The following GTF2E1 variants were observed in gnomAD, a reference collection of about 807,000 sequenced individuals.
GTF2E1 encodes the protein TFIIE alpha subunit.
In GTF2E1, 14 loss-of-function variants were observed where a neutral mutation model predicts 34.9. The observed-to-expected ratio is 0.40, with a 90% CI of 0.27 to 0.63. GTF2E1 has a LOEUF of 0.63. GTF2E1 is among the 20% of genes least tolerant of loss of function. GTF2E1 has a pLI of 0.39. For missense variants in GTF2E1, 469 were observed against 557.7 expected (o/e 0.84, Z 1.60); for synonymous variants, 188 against 192.9 (o/e 0.97, Z 0.21).
At chr3:120,756,112 T>C (rs1165853545) in intron 2 of GTF2E1, among the ~76,000 whole-genome samples, 4 of 152,182 alleles carry the variant, frequency 2.6e-5, no homozygotes, top group African/African-American at 7.2e-5. Flanking sequence ...TTCCTTTCTT[T>C]TGGGTATATA....
chr3:120,775,835 A>C (rs1235216647), intron 3 of GTF2E1, among the ~76,000 whole-genome samples: 3 of 152,214 alleles, frequency 2.0e-5, no homozygotes, highest in Non-Finnish European at 4.4e-5. Flanking sequence ...CTACATAGAA[A>C]AGCAGCTAGT....
At chr3:120,768,117 ATAAAT>A (rs879532286) in intron 2 of GTF2E1, among the ~76,000 whole-genome samples, 1 of 152,194 alleles carries the variant, frequency 6.6e-6, no homozygotes, top group Non-Finnish European at 1.5e-5. Context: ...CTTTTTAATG[ATAAAT>A]TAGATAAATA....
intron 1 of GTF2E1, among the ~76,000 whole-genome samples, chr3:120,750,200 T>C (rs774151991): frequency 3.3e-5 from 5 of 152,222 alleles, no homozygotes; most frequent in Non-Finnish European, 5.9e-5. Flanking sequence ...TCCCAAAGAA[T>C]AGTGAGCATT....
At chr3:120,780,269 G>A (rs895104019) in intron 4 of GTF2E1, among the ~76,000 whole-genome samples, 1 of 152,186 alleles carries the variant, frequency 6.6e-6, no homozygotes, top group Non-Finnish European at 1.5e-5. Context: ...GACAATAGAT[G>A]TAAGTTATTC....
chr3:120,776,474 C>T lies in GTF2E1; in HGVS notation c.702C>T (p.His234=). 1 of 1,613,752 alleles carries T rather than the reference C, an allele frequency of 6.2e-7. No individual in the cohort carries two copies. The change falls in exon 4 of 5, where the codon CAC becomes CAT. Residue 234 remains histidine, a synonymous_variant. Coordinates refer to ENST00000283875, the MANE Select transcript of GTF2E1 (RefSeq NM_005513.3). Reference sequence around the variant, plus strand: ...GAGCTGCTAGCCTAGCAGGTGGGCACCACCGGGAAGCATGGGCCACCAAAG... The same window carrying T: ...GAGCTGCTAGCCTAGCAGGTGGGCATCACCGGGAAGCATGGGCCACCAAAG... ...TAGAASLAGG[H]HREAWATKGP...
Position 120,776,299 on chromosome 3 carries a change from T to C in GTF2E1, c.651-124T>C, listed in dbSNP as rs955827684. On this transcript the variant is annotated intron_variant, in intron 3 of 4. Coordinates refer to ENST00000283875, the MANE Select transcript of GTF2E1 (RefSeq NM_005513.3). Reference sequence around the variant, plus strand: ...TTTCTTGGAATTGTTAAAGCATGTGTGCATGATTGCTAGGTAGCATTTACA... The same window carrying C: ...TTTCTTGGAATTGTTAAAGCATGTGCGCATGATTGCTAGGTAGCATTTACA... The C allele has an allele frequency of 8.7e-5, 71 of 816,860 alleles. No individual in the cohort carries two copies. The Middle Eastern group carries it at 2.5e-3, about 29-fold the overall frequency. 50.6% of individuals were successfully genotyped at this position (816,860 alleles called of 1,614,324 possible).
chr3:120,773,873 A>G (rs1034149770), intron 3 of GTF2E1, among the ~76,000 whole-genome samples: 1 of 152,214 alleles, frequency 6.6e-6, no homozygotes, highest in African/African-American at 2.4e-5. Context: ...TTGAATTTCT[A>G]TGACAGAATA....
At position 120,750,900 on chromosome 3, in the gene GTF2E1, C is replaced by G. The variant is rs371604368; in HGVS notation, c.348C>G (p.Thr116=). The G allele has an allele frequency of 3.7e-6, 6 of 1,613,690 alleles. No individual in the cohort carries two copies. The highest frequency in any genetic ancestry group is 5.1e-6 in the Non-Finnish European group (6 of 1,179,706). ...KLDHMRRRIE[T]DERDSTNRAS... ...ACCACATGAGAAGAAGAATTGAGAC[C>G]GATGAGAGAGATTCGACCAACCGGG... is the stretch of plus-strand genomic sequence containing the variant. Residue 116 remains threonine, a synonymous_variant, in exon 2 of 5, where the codon ACC becomes ACG. Transcript: ENST00000283875.
chr3:120,744,173 A>C (rs112615183), intron 1 of GTF2E1, among the ~76,000 whole-genome samples: 10 of 152,186 alleles, frequency 6.6e-5, no homozygotes, highest in African/African-American at 2.4e-4. Context: ...ATTTATGTGA[A>C]CTCTTACAAT....
chr3:120,754,995 A>G (rs892791688), intron 2 of GTF2E1, among the ~76,000 whole-genome samples: 108 of 152,104 alleles, frequency 7.1e-4, no homozygotes, highest in African/African-American at 2.5e-3. Context: ...TTTTAGATTT[A>G]CTATTAAGGG....
intron 3 of GTF2E1, among the ~76,000 whole-genome samples, chr3:120,771,419 G>A (rs1709350969): frequency 6.6e-6 from 1 of 152,074 alleles, no homozygotes; most frequent in Non-Finnish European, 1.5e-5. Flanking sequence ...TCCTAACAGT[G>A]GCTCCCTATT....
Position 120,781,435 on chromosome 3 carries a change from A to G in GTF2E1, c.1285A>G (p.Met429Val), listed in dbSNP as rs1257483172. 1.2e-6 allele frequency: 2 copies of G among 1,614,052 alleles called. No individual in the cohort carries two copies. The highest frequency in any genetic ancestry group is 1.1e-5 in the South Asian group (1 of 91,082). The part of the protein sequence containing the change: ...TPEEKEAYIA[M>V]GQRMFEDLFE ...AGAAGAAAAGGAAGCATATATAGCA[A>G]TGGGACAACGCATGTTTGAGGACCT... The change falls in exon 5 of 5, where the codon ATG (methionine) becomes GTG (valine). Residue 429 changes from methionine (M) to valine (V), a missense_variant. Coordinates refer to ENST00000283875, the MANE Select transcript of GTF2E1 (RefSeq NM_005513.3).
chr3:120,753,592 T>TCC (rs1438637549), intron 2 of GTF2E1, among the ~76,000 whole-genome samples: 1 of 152,156 alleles, frequency 6.6e-6, no homozygotes, highest in Non-Finnish European at 1.5e-5. Flanking sequence ...GGTGCTTAAC[T>TCC]CAAGTGTATG....
chr3:120,755,743 A>T (rs1220512800), intron 2 of GTF2E1, among the ~76,000 whole-genome samples: 1 of 152,042 alleles, frequency 6.6e-6, no homozygotes, highest in Non-Finnish European at 1.5e-5. Context: ...TTTTTTTACC[A>T]GTTAGCCATC....
At chr3:120,761,472 G>A (rs1435013614) in intron 2 of GTF2E1, among the ~76,000 whole-genome samples, 2 of 152,078 alleles carry the variant, frequency 1.3e-5, no homozygotes, top group Non-Finnish European at 2.9e-5. Flanking sequence ...GCTTTTGAAT[G>A]TGTTTGCTCT....
chr3:120,747,112 T>C (rs577331955), intron 1 of GTF2E1, among the ~76,000 whole-genome samples: 1 of 150,372 alleles, frequency 6.7e-6, no homozygotes, highest in East Asian at 1.9e-4. Flanking sequence ...TTTTGTTTTG[T>C]TTTTTTTTGA....
chr3:120,758,433 T>A (rs1422015543), intron 2 of GTF2E1, among the ~76,000 whole-genome samples: 1 of 152,210 alleles, frequency 6.6e-6, no homozygotes, highest in Non-Finnish European at 1.5e-5. Flanking sequence ...TTTATTTTTT[T>A]ATTATACTTT....
At chr3:120,757,543 A>G (rs1709219400) in intron 2 of GTF2E1, among the ~76,000 whole-genome samples, 1 of 152,170 alleles carries the variant, frequency 6.6e-6, no homozygotes, top group Admixed American at 6.5e-5. Context: ...ATGTAAAACT[A>G]TGTTCCTGTC....
intron 2 of GTF2E1, among the ~76,000 whole-genome samples, chr3:120,755,521 G>A (rs1709200813): frequency 6.6e-6 from 1 of 152,086 alleles, no homozygotes; most frequent in Admixed American, 6.5e-5. Context: ...AGGTGTATAT[G>A]TTTATGGGGT....
Sources: allele counts gnomAD v4.1 joint callset (sites outside exome capture counted in the v4.1 genomes callset), GRCh38; gene constraint gnomAD v4.1.1; transcripts MANE v1.5; gene names NCBI Gene and HGNC (gene_info 2026-07-23, HGNC 2026-07-21).